The following RBFOX1 variants were observed in gnomAD, a reference collection of about 807,000 sequenced individuals.
RBFOX1 encodes the protein RNA binding fox-1 homolog 1.
A neutral mutation model predicts 57.7 loss-of-function variants in RBFOX1; 8 were observed. The ratio of observed to expected loss-of-function variants is 0.14; its 90% CI spans 0.08 to 0.25. The LOEUF is 0.25. Ranked by LOEUF, RBFOX1 falls within the 10% of genes least tolerant of loss-of-function variation. RBFOX1 has a pLI of 1.00. For synonymous variants in RBFOX1, 326 were observed against 222.4 expected, an observed-to-expected ratio of 1.47 and a Z score of -4.15; for missense variants, 611 against 548.5, an observed-to-expected ratio of 1.11 and a Z score of -1.14.
At chr16:6,367,515 C>T (rs1879354920) in intron 2 of RBFOX1, among the ~76,000 whole-genome samples, 1 of 152,138 alleles carries the variant, frequency 6.6e-6, no homozygotes, top group African/African-American at 2.4e-5. Flanking sequence ...CATGATCCAC[C>T]CATCTCGGCC....
At chr16:5,879,891 T>A (rs1198001454) in intron 4 of RBFOX1, among the ~76,000 whole-genome samples, 1 of 152,166 alleles carries the variant, frequency 6.6e-6, no homozygotes, top group Admixed American at 6.5e-5. Flanking sequence ...CTTGACCTTT[T>A]CATTGCCTTA....
At chr16:6,353,386 T>C (rs1380946541) in intron 2 of RBFOX1, among the ~76,000 whole-genome samples, 2 of 151,884 alleles carry the variant, frequency 1.3e-5, no homozygotes, top group Non-Finnish European at 2.9e-5. Context: ...TCATTTGCCA[T>C]CCTAGATACC....
chr16:7,161,624 C>T (rs903121588), intron 4 of RBFOX1, among the ~76,000 whole-genome samples: 7 of 151,976 alleles, frequency 4.6e-5, no homozygotes, highest in African/African-American at 1.7e-4. Context: ...CTAAGTAATC[C>T]CAGGGAGCTT....
intron 2 of RBFOX1, among the ~76,000 whole-genome samples, chr16:6,347,996 G>C (rs147973588): frequency 6.6e-6 from 1 of 152,184 alleles, no homozygotes; most frequent in African/African-American, 2.4e-5. Flanking sequence ...GCCTTCAGGC[G>C]TGAAAGTGGG....
intron 3 of RBFOX1, among the ~76,000 whole-genome samples, chr16:5,682,395 C>T (rs1567391135): frequency 1.3e-5 from 2 of 152,074 alleles, no homozygotes; most frequent in Non-Finnish European, 2.9e-5. Context: ...TGGAAAGACA[C>T]CTGGAAAAAG....
intron 2 of RBFOX1, among the ~76,000 whole-genome samples, chr16:6,320,452 A>C (rs1431590254): frequency 6.6e-6 from 1 of 152,174 alleles, no homozygotes; most frequent in South Asian, 2.1e-4. Context: ...GAACTCATCC[A>C]TGTAACCAAA....
At chr16:5,455,041 C>CTCTT (rs1413757395) in intron 1 of RBFOX1, among the ~76,000 whole-genome samples, 1 of 131,414 alleles carries the variant, frequency 7.6e-6, no homozygotes, top group Non-Finnish European at 1.6e-5. Flanking sequence ...CTGTCTGTCT[C>CTCTT]TCTTTCTTTC....
At chr16:7,187,487 A>G (rs948632252) in intron 4 of RBFOX1, among the ~76,000 whole-genome samples, 1 of 151,556 alleles carries the variant, frequency 6.6e-6, no homozygotes, top group Non-Finnish European at 1.5e-5. Flanking sequence ...CAGGAGATCG[A>G]GACCATCCTG....
chr16:5,367,753 CAG>C (rs2065758381), intron 1 of RBFOX1, among the ~76,000 whole-genome samples: 1 of 152,134 alleles, frequency 6.6e-6, no homozygotes, highest in African/African-American at 2.4e-5. Context: ...GAAAATGAGA[CAG>C]GGCACACGGA....
At chr16:5,503,116 C>T (rs2043256761) in intron 2 of RBFOX1, among the ~76,000 whole-genome samples, 1 of 152,238 alleles carries the variant, frequency 6.6e-6, no homozygotes, top group South Asian at 2.1e-4. Flanking sequence ...TCTGGAACCA[C>T]ACCCCCAGGG....
chr16:7,257,123 CTG>C (rs751830215), intron 4 of RBFOX1, among the ~76,000 whole-genome samples: 2 of 152,142 alleles, frequency 1.3e-5, no homozygotes, highest in Non-Finnish European at 2.9e-5. Context: ...AGTTGTGAAA[CTG>C]AACGAAATTG....
At chr16:6,327,814 A>G (rs2082549690) in intron 2 of RBFOX1, among the ~76,000 whole-genome samples, 1 of 152,182 alleles carries the variant, frequency 6.6e-6, no homozygotes, top group Non-Finnish European at 1.5e-5. Context: ...ATGCCATGTT[A>G]TTTCTTGACA....
rs577527627 is a variant in RBFOX1 at position 6,856,134 on chromosome 16, TA to T, written c.-15-195922del. ...TTCTTCCCTTTCCTTCCCTTCCCTT[TA>T]CCTTCCCTTCCCTTTACCTTCCTTG... On this transcript the variant is annotated intron_variant, in intron 3 of 15. Transcript: ENST00000550418. Among the ~76,000 whole-genome samples the T allele has an allele frequency of 7.7e-4, 117 of 151,952 alleles. 2 individuals carry two copies. In the East Asian group the frequency reaches 0.016, roughly 20 times the overall value.
At chr16:5,490,146 C>A (rs913118912) in intron 2 of RBFOX1, among the ~76,000 whole-genome samples, 3 of 152,174 alleles carry the variant, frequency 2.0e-5, no homozygotes, top group Admixed American at 6.5e-5. Context: ...TTTATTTTCC[C>A]CTTCTTTCTG....
intron 4 of RBFOX1, among the ~76,000 whole-genome samples, chr16:7,107,750 A>C (rs1298117925): frequency 6.6e-6 from 1 of 152,206 alleles, no homozygotes; most frequent in African/African-American, 2.4e-5. Flanking sequence ...TACTTTTTAT[A>C]GCTTTTAAGC....
chr16:6,903,281 G>A (rs553401250), intron 3 of RBFOX1, among the ~76,000 whole-genome samples: 1 of 152,172 alleles, frequency 6.6e-6, no homozygotes, highest in Non-Finnish European at 1.5e-5. Context: ...ATATGGCCAG[G>A]AGGGCTGACC....
intron 1 of RBFOX1, among the ~76,000 whole-genome samples, chr16:5,282,061 C>A (rs9941125): frequency 0.32 from 48,952 of 151,970 alleles, 7,909 homozygotes; most frequent in Non-Finnish European, 0.33. Context: ...CCCAGTGGGA[C>A]GTAGTTGAAT....
intron 4 of RBFOX1, among the ~76,000 whole-genome samples, chr16:7,399,316 G>T (rs992371185): frequency 6.6e-6 from 1 of 152,108 alleles, no homozygotes; most frequent in Admixed American, 6.6e-5. Context: ...GTGCGATGGC[G>T]CATGCCTGTA....
At chr16:6,718,699 A>G (rs2065323718) in intron 3 of RBFOX1, among the ~76,000 whole-genome samples, 1 of 152,118 alleles carries the variant, frequency 6.6e-6, no homozygotes, top group Non-Finnish European at 1.5e-5. Context: ...GTCTCACAAG[A>G]TCTGGTTGTT....
Sources: gnomAD v4.1 joint callset for allele counts (sites outside exome capture counted in the v4.1 genomes callset) on GRCh38, gnomAD v4.1.1 for gene constraint, MANE v1.5 for transcripts, NCBI Gene and HGNC (gene_info 2026-07-23, HGNC 2026-07-21) for gene names.